Variants in ACO1 observed in about 807,000 individuals in gnomAD.
ACO1 encodes the protein aconitase 1.
Under a neutral mutation model 105.1 loss-of-function variants are expected in ACO1, and 78 were observed. That is an observed-to-expected ratio of 0.74 (90% CI 0.62 to 0.90). The LOEUF (loss-of-function observed/expected upper bound fraction) is 0.90, where lower values mean the gene tolerates loss of function less well. Among genes scored for constraint, ACO1 ranks in the 40% least tolerant of loss-of-function variants. The pLI is 0.00. For missense variants in ACO1, 965 were observed against 1,111.1 expected (o/e 0.87, Z 1.87); for synonymous variants, 364 against 397.4 (o/e 0.92, Z 1.00).
chr9:32,405,399 G>A (rs1307117801), intron 1 of ACO1, 86 bp from the exon 2 acceptor site: 6 of 734,080 alleles, frequency 8.2e-6, no homozygotes, highest in African/African-American at 1.8e-5. Flanking sequence ...AAGAAACATA[G>A]TAAAAACTAA....
rs1283146134 is a variant in ACO1 at position 32,452,676 on chromosome 9, T to C, written c.*2565T>C. 7 of 151,848 alleles carry C rather than the reference T, an allele frequency of 4.6e-5. No homozygotes were observed. The highest frequency in any genetic ancestry group is 2.6e-4 in the Admixed American group (4 of 15,234). The allele number at this position is 151,848 out of a possible 1,614,324, so 9.4% of individuals were successfully genotyped here. A position where few individuals can be genotyped will look rare whatever the true frequency, so the allele number is the denominator to read the frequency against. ...CACCCTCTGTCCTTTTCGGTAAAAA[T>C]ATCTTCGCCAGGCACGGTGTCTCAT... On this transcript the variant is annotated 3_prime_UTR_variant, in exon 21 of 21. Coordinates refer to ENST00000309951, the MANE Select transcript of ACO1 (RefSeq NM_002197.3).
chr9:32,418,909 A>G, intron 6 of ACO1, 129 bp from the exon 7 acceptor site: 1 of 1,141,406 alleles, frequency 8.8e-7, no homozygotes, highest in Non-Finnish European at 1.2e-6. Flanking sequence ...TGCTCTTTAT[A>G]GAAACATGAC....
chr9:32,399,451 C>T (rs1587515185), intron 1 of ACO1, among the ~76,000 whole-genome samples: 1 of 152,214 alleles, frequency 6.6e-6, no homozygotes, highest in African/African-American at 2.4e-5. Context: ...AGTACCTCCA[C>T]TCACTGCCTC....
At chr9:32,393,122 A>C (rs937764814) in intron 1 of ACO1, among the ~76,000 whole-genome samples, 1 of 152,248 alleles carries the variant, frequency 6.6e-6, no homozygotes, top group Non-Finnish European at 1.5e-5. Flanking sequence ...GCAATGTTCA[A>C]GGAACAAGAG....
chr9:32,423,580 C>A lies in ACO1; in HGVS notation c.1071+161C>A, dbSNP rs145584676. ...AGGTTGAAAAACCAAAAGGATAAGG[C>A]AATTGTAAACATAACAGAATAATAT... On this transcript the variant is annotated intron_variant, in intron 9 of 20. Transcript: ENST00000309951. 2.1e-3 allele frequency among the ~76,000 whole-genome samples: 325 copies of A among 152,280 alleles called. 1 individual carries two copies. The highest frequency in any genetic ancestry group is 7.4e-3 in the African/African-American group (307 of 41,558).
intron 10 of ACO1, 60 bp from the exon 11 acceptor site, chr9:32,425,778 G>C: frequency 8.1e-7 from 1 of 1,229,266 alleles, no homozygotes; most frequent in Non-Finnish European, 1.1e-6. Flanking sequence ...CCTCTAGCCA[G>C]ATACATGTAT....
chr9:32,407,550 AATATT>A lies in ACO1; in HGVS notation c.266+126_266+130del, dbSNP rs992608715. ...ATACTTTATTAATTTATGACTATATAATATTATATACCCATATCCAGACACTTTTG... is the reference window on the plus strand; with the variant it reads ...ATACTTTATTAATTTATGACTATATAATATACCCATATCCAGACACTTTTG... On this transcript the variant is annotated intron_variant, in intron 3 of 20. Transcript: ENST00000309951. The A allele has an allele frequency of 2.5e-5, 23 of 931,254 alleles. No individual in the cohort carries two copies. The African/African-American group carries it at 3.5e-4, about 14-fold the overall frequency. 57.7% of individuals were successfully genotyped at this position (931,254 alleles called of 1,614,324 possible).
At chr9:32,400,066 G>A (rs1162924573) in intron 1 of ACO1, among the ~76,000 whole-genome samples, 1 of 142,022 alleles carries the variant, frequency 7.0e-6, no homozygotes, top group Non-Finnish European at 1.5e-5. Flanking sequence ...CGCCTGCTGG[G>A]TTCAAATAAT....
intron 4 of ACO1, 21 bp from the exon 5 acceptor site, chr9:32,418,107 T>C: frequency 1.2e-6 from 2 of 1,611,272 alleles, no homozygotes; most frequent in South Asian, 1.1e-5. Context: ...ATTGTATACA[T>C]TTAATTTTTC....
At chr9:32,427,279 A>G (rs780958136) in intron 11 of ACO1, 22 bp from the exon 12 acceptor site, 1 of 1,613,922 alleles carries the variant, frequency 6.2e-7, no homozygotes, top group Non-Finnish European at 8.5e-7. Context: ...CCCACACTGC[A>G]TCTGTGTTTA....
In ACO1 at chr9:32,449,013, A is replaced by C. The variant is rs1428223287; in HGVS notation, c.2488A>C (p.Thr830Pro). ...TGAGAATGCAGATGCCCTGGGGCTC[A>C]CAGGGCAAGAACGATACACTATCAT... ...PGENADALGL[T>P]GQERYTIIIP... Residue 830 changes from threonine to proline, a missense_variant, in exon 20 of 21, where the codon ACA becomes CCA. Thr to Pro is a conservative substitution (Grantham distance 38, BLOSUM62 -1). Coordinates refer to ENST00000309951, the MANE Select transcript of ACO1 (RefSeq NM_002197.3). 6.8e-6 allele frequency: 11 copies of C among 1,614,174 alleles called. No individual in the cohort carries two copies. The highest frequency in any genetic ancestry group is 9.3e-6 in the Non-Finnish European group (11 of 1,180,012).
Position 32,423,335 on chromosome 9 carries a change from A to G in ACO1, c.987A>G (p.Lys329=). The change falls in exon 9 of 21, where the codon AAA becomes AAG. Residue 329 remains lysine, a synonymous_variant. Transcript: ENST00000309951. ...YLVQTGRDEE[K]LKYIKKYLQA... The stretch of plus-strand genomic sequence containing the variant: ...GCCTTTTAGGTCGTGATGAAGAAAA[A>G]TTAAAGTATATTAAAAAATATCTTC... 1 of 1,592,388 alleles carries G rather than the reference A, an allele frequency of 6.3e-7. No individual in the cohort carries two copies. The highest frequency in any genetic ancestry group is 8.5e-7 in the Non-Finnish European group (1 of 1,172,596).
chr9:32,419,192 C>G lies in ACO1; in HGVS notation c.798+15C>G, dbSNP rs756059757. 4.3e-5 allele frequency: 67 copies of G among 1,559,608 alleles called. No homozygotes were observed. Among genetic ancestry groups the G allele is most frequent in the Non-Finnish European group, 5.7e-5 (66 of 1,150,290 alleles). On this transcript the variant is annotated intron_variant, in intron 7 of 20. Transcript: ENST00000309951. Reference sequence around the variant, plus strand: ...CCATTACCAAGGTAACAATGTGCATCCTCTTCTGTGGTCTTGGAAAGCCAC... The same window carrying G: ...CCATTACCAAGGTAACAATGTGCATGCTCTTCTGTGGTCTTGGAAAGCCAC...
chr9:32,447,051 T>A (rs1822626048), intron 19 of ACO1, among the ~76,000 whole-genome samples: 1 of 152,208 alleles, frequency 6.6e-6, no homozygotes, highest in African/African-American at 2.4e-5. Context: ...ATCTGACAAT[T>A]ATGGGTCTTG....
Position 32,448,987 on chromosome 9 carries a change from G to A in ACO1, c.2462G>A (p.Gly821Asp). The A allele has an allele frequency of 6.2e-7, 1 of 1,614,014 alleles. No individual in the cohort carries two copies. The highest frequency in any genetic ancestry group is 1.1e-5 in the South Asian group (1 of 91,086). ...GTGATCCCACTTGAATATCTCCCTG[G>A]TGAGAATGCAGATGCCCTGGGGCTC... ...MGVIPLEYLP[G>D]ENADALGLTG... The change falls in exon 20 of 21, where the codon GGT (glycine) becomes GAT (aspartate). Residue 821 changes from glycine (G) to aspartate (D), a missense_variant. By Grantham distance (94) the Gly-to-Asp change is moderately conservative. Transcript: ENST00000309951.
chr9:32,450,159 C>T lies in ACO1; in HGVS notation c.*48C>T. 6.8e-7 allele frequency: 1 copy of T among 1,473,286 alleles called. No individual in the cohort carries two copies. Among genetic ancestry groups the T allele is most frequent in the Non-Finnish European group, 9.5e-7 (1 of 1,053,556 alleles). 91.3% of individuals were successfully genotyped at this position (1,473,286 alleles called of 1,614,324 possible). ...CCCAGGGAGGAAGCCGCACCACCAG[C>T]CAGCGCAGGCCCTGGTGGAGAGGCC... is the stretch of plus-strand genomic sequence containing the variant. On this transcript the variant is annotated 3_prime_UTR_variant, in exon 21 of 21. Coordinates refer to ENST00000309951, the MANE Select transcript of ACO1 (RefSeq NM_002197.3).
Position 32,431,717 on chromosome 9 carries a change from A to T in ACO1, c.1727-2A>T. On this transcript the variant is annotated splice_acceptor_variant, in intron 14 of 20. Transcript: ENST00000309951. LOFTEE classifies it high-confidence loss of function. The stretch of plus-strand genomic sequence containing the variant: ...TCTCATTAATAAACATTTTTTCCCC[A>T]GGAGTAAATGCAAAGGGACAGCAGG... 2 of 1,613,602 alleles carry T rather than the reference A, an allele frequency of 1.2e-6. No individual in the cohort carries two copies. Among genetic ancestry groups the T allele is most frequent in the Non-Finnish European group, 1.7e-6 (2 of 1,179,830 alleles).
chr9:32,395,305 G>A (rs750753871), intron 1 of ACO1, among the ~76,000 whole-genome samples: 12 of 152,030 alleles, frequency 7.9e-5, no homozygotes, highest in African/African-American at 2.2e-4. Context: ...GGGAAACCCC[G>A]TCTCTACTAA....
rs537880660 is a variant in ACO1 at position 32,412,559 on chromosome 9, A to T, written c.404+3908A>T. 1.6e-3 allele frequency among the ~76,000 whole-genome samples: 239 copies of T among 152,300 alleles called. 3 individuals carry two copies. Among genetic ancestry groups the T allele is most frequent in the African/African-American group, 5.6e-3 (231 of 41,564 alleles). ...TATTGCTAACATCCAAACCAGATAA[A>T]TTCAGGATAAAGAGAAATCTACTTT... On this transcript the variant is annotated intron_variant, in intron 4 of 20. Transcript: ENST00000309951.
Sources: allele counts gnomAD v4.1 joint callset (sites outside exome capture counted in the v4.1 genomes callset), GRCh38; gene constraint gnomAD v4.1.1; transcripts MANE v1.5; gene names NCBI Gene and HGNC (gene_info 2026-07-23, HGNC 2026-07-21).